Variants in NHS observed in about 807,000 individuals in gnomAD.
NHS encodes actin remodeling regulator NHS.
NHS carries 5 observed loss-of-function variants against 72.5 expected under a neutral mutation model. That is an observed-to-expected ratio of 0.07 (90% confidence interval 0.04 to 0.14). The LOEUF (loss-of-function observed/expected upper bound fraction) is 0.14, where lower values mean the gene tolerates loss of function less well. Ranked by LOEUF, NHS falls within the 10% of genes least tolerant of loss-of-function variation. NHS has a pLI of 1.00. For missense variants in NHS, 1,072 were observed against 1,355.7 expected (o/e 0.79, Z 3.29); for synonymous variants, 464 against 547.7 (o/e 0.85, Z 2.13).
At chrX:17,476,610 C>T (rs1402761600) in intron 1 of NHS, among the ~76,000 whole-genome samples, 1 of 111,060 alleles carries the variant, frequency 9.0e-6, no homozygotes, top group African/African-American at 3.3e-5. Context: ...GGGGGTAACA[C>T]TACCTGTAGG....
At chrX:17,703,304 A>G (rs1374111661) in intron 3 of NHS, among the ~76,000 whole-genome samples, 5 of 111,336 alleles carry the variant, frequency 4.5e-5, no homozygotes, top group East Asian at 5.6e-4. Flanking sequence ...TCTCAAAAAC[A>G]TAATAAAAAG....
At chrX:17,723,378 A>C (rs1423610240) in intron 5 of NHS, among the ~76,000 whole-genome samples, 1 of 111,968 alleles carries the variant, frequency 8.9e-6, no homozygotes, top group Non-Finnish European at 1.9e-5. Context: ...CAAGAGTTTG[A>C]GTTCCTCACC....
At chrX:17,730,012 A>C (rs866095307) in intron 8 of NHS, among the ~76,000 whole-genome samples, 1 of 112,413 alleles carries the variant, frequency 8.9e-6, no homozygotes, top group African/African-American at 3.2e-5. Context: ...AAAAGGAGCC[A>C]ATCAGAAACA....
intron 1 of NHS, among the ~76,000 whole-genome samples, chrX:17,611,779 A>G (rs1295045496): frequency 9.0e-6 from 1 of 111,370 alleles, no homozygotes; most frequent in Middle Eastern, 4.3e-3. Flanking sequence ...CTTCAAATCC[A>G]TACTATTAAG....
chrX:17,582,772 C>T (rs1569287337), intron 1 of NHS, among the ~76,000 whole-genome samples: 1 of 112,675 alleles, frequency 8.9e-6, no homozygotes, highest in Non-Finnish European at 1.9e-5. Flanking sequence ...CCTTCGTGTG[C>T]CTCAGTTTCC....
intron 1 of NHS, among the ~76,000 whole-genome samples, chrX:17,502,464 T>C (rs1052629619): frequency 2.7e-5 from 3 of 112,067 alleles, no homozygotes; most frequent in Non-Finnish European, 5.6e-5. Flanking sequence ...AGGCAAGTAA[T>C]GCCATTTGAC....
chrX:17,470,546 A>G (rs1365002847), intron 1 of NHS, among the ~76,000 whole-genome samples: 1 of 111,104 alleles, frequency 9.0e-6, no homozygotes, highest in Non-Finnish European at 1.9e-5. Flanking sequence ...TGTTGCTGGA[A>G]CCCTGCGAGA....
chrX:17,538,234 G>C (rs1177777007), intron 1 of NHS, among the ~76,000 whole-genome samples: 2 of 112,152 alleles, frequency 1.8e-5, no homozygotes, highest in Non-Finnish European at 3.8e-5. Flanking sequence ...TGCGGGAGCT[G>C]AGACCTGTAA....
chrX:17,574,583 G>A (rs760585154), intron 1 of NHS, among the ~76,000 whole-genome samples: 7 of 111,904 alleles, frequency 6.3e-5, no homozygotes, highest in Non-Finnish European at 1.1e-4. Context: ...GAAGTGTACC[G>A]CTCCTCCAGG....
At position 17,721,497 on chromosome X, in the gene NHS, C is replaced by T; in HGVS notation, c.972C>T (p.Asn324=). The T allele has an allele frequency of 1.7e-6, 2 of 1,211,575 alleles. No homozygotes were observed. Among genetic ancestry groups the T allele is most frequent in the Non-Finnish European group, 2.2e-6 (2 of 895,417 alleles). The change falls in exon 5 of 9, where the codon AAC becomes AAT. Residue 324 remains asparagine (N), a synonymous_variant. Coordinates refer to ENST00000676302, the MANE Select transcript of NHS (RefSeq NM_001291867.2). Reference sequence around the variant, plus strand: ...TCATGTTAGGGCAGAGGCCGAAAAACCCAATACACAATATCCCTTCCACAC... The same window carrying T: ...TCATGTTAGGGCAGAGGCCGAAAAATCCAATACACAATATCCCTTCCACAC... The part of the protein sequence containing the change: ...TDVMLGQRPK[N]PIHNIPSTLD...
At chrX:17,536,279 T>C (rs970619107) in intron 1 of NHS, among the ~76,000 whole-genome samples, 18 of 112,304 alleles carry the variant, frequency 1.6e-4, no homozygotes, top group Non-Finnish European at 2.1e-4. Flanking sequence ...GGTGGGAACC[T>C]GGGAGGCGGA....
intron 1 of NHS, among the ~76,000 whole-genome samples, chrX:17,424,326 A>G (rs1440756773): frequency 8.9e-6 from 1 of 112,221 alleles, no homozygotes; most frequent in Non-Finnish European, 1.9e-5. Context: ...TCTTCTGATC[A>G]TGTCTTTTAT....
At chrX:17,419,255 C>A (rs997504857) in intron 1 of NHS, among the ~76,000 whole-genome samples, 6 of 112,510 alleles carry the variant, frequency 5.3e-5, no homozygotes, top group African/African-American at 1.9e-4. Flanking sequence ...GCACCAGGAA[C>A]ATTTTTAAAT....
At chrX:17,550,138 A>G (rs2065324831) in intron 1 of NHS, among the ~76,000 whole-genome samples, 1 of 112,009 alleles carries the variant, frequency 8.9e-6, no homozygotes, top group Non-Finnish European at 1.9e-5. Flanking sequence ...TATACATACA[A>G]GCATGCGCAC....
chrX:17,501,362 A>G (rs2065035622), intron 1 of NHS, among the ~76,000 whole-genome samples: 1 of 107,376 alleles, frequency 9.3e-6, no homozygotes, highest in Admixed American at 1.0e-4. Flanking sequence ...CAAGAAAAAA[A>G]AAAAGTGGGG....
chrX:17,471,305 A>G (rs1045818542), intron 1 of NHS, among the ~76,000 whole-genome samples: 4 of 111,953 alleles, frequency 3.6e-5, no homozygotes, highest in African/African-American at 1.3e-4. Context: ...GAGTGCAGAG[A>G]CCATAGCCAA....
At chrX:17,617,439 C>A (rs1469359490) in intron 1 of NHS, among the ~76,000 whole-genome samples, 1 of 112,431 alleles carries the variant, frequency 8.9e-6, no homozygotes, top group Non-Finnish European at 1.9e-5. Flanking sequence ...TCTTTCTCAG[C>A]CAAATAGCAT....
intron 1 of NHS, among the ~76,000 whole-genome samples, chrX:17,473,272 A>G (rs2064899880): frequency 8.9e-6 from 1 of 112,187 alleles, no homozygotes; most frequent in Non-Finnish European, 1.9e-5. Context: ...TTTCTTTGAC[A>G]TATATGAACC....
At chrX:17,395,908 A>G (rs1313626085) in intron 1 of NHS, among the ~76,000 whole-genome samples, 1 of 112,624 alleles carries the variant, frequency 8.9e-6, no homozygotes, top group Admixed American at 9.4e-5. Context: ...AATGATTAAC[A>G]ATAGAAAATT....
Sources: allele counts gnomAD v4.1 joint callset (sites outside exome capture counted in the v4.1 genomes callset), GRCh38; gene constraint gnomAD v4.1.1; transcripts MANE v1.5; gene names NCBI Gene and HGNC (gene_info 2026-07-23, HGNC 2026-07-21).